TRDN: variants seen among roughly 807,000 people sequenced by gnomAD.
The protein encoded by TRDN is triadin in skeletal muscle.
In TRDN, 161 loss-of-function variants were observed where a neutral mutation model predicts 149.7. The ratio of observed to expected loss-of-function variants is 1.08; its 90% confidence interval spans 0.95 to 1.23. The LOEUF (loss-of-function observed/expected upper bound fraction) is 1.23. TRDN is among the 50% of genes most tolerant of loss of function. The pLI is 0.00. For synonymous variants in TRDN, 294 were observed against 250.5 expected, an observed-to-expected ratio of 1.17 and a Z score of -1.64; for missense variants, 896 against 823.5, an observed-to-expected ratio of 1.09 and a Z score of -1.08.
intron 5 of TRDN, among the ~76,000 whole-genome samples, chr6:123,529,710 A>G (rs1388379734): frequency 6.6e-6 from 1 of 152,066 alleles, no homozygotes; most frequent in Non-Finnish European, 1.5e-5. Flanking sequence ...GAAATAAATT[A>G]TCTCATTTTC....
chr6:123,510,650 T>G (rs961898585), intron 7 of TRDN, among the ~76,000 whole-genome samples: 1 of 151,816 alleles, frequency 6.6e-6, no homozygotes, highest in Admixed American at 6.6e-5. Flanking sequence ...CACTTTTTTT[T>G]TTTTTTTTTT....
intron 1 of TRDN, among the ~76,000 whole-genome samples, chr6:123,572,967 C>T (rs1488278496): frequency 3.9e-5 from 6 of 151,958 alleles, no homozygotes; most frequent in Non-Finnish European, 8.8e-5. Flanking sequence ...AGAATGTGTC[C>T]AATAATAATT....
intron 7 of TRDN, among the ~76,000 whole-genome samples, chr6:123,507,984 C>T (rs1211773656): frequency 1.4e-5 from 1 of 70,650 alleles, no homozygotes; most frequent in African/African-American, 4.5e-5. Flanking sequence ...GCTTCAGTTT[C>T]TTTGCGTTAA....
At chr6:123,316,422 T>C (rs370132069) in intron 24 of TRDN, 35 bp downstream of exon 24, 3 of 1,591,820 alleles carry the variant, frequency 1.9e-6, no homozygotes, top group Admixed American at 1.7e-5. Flanking sequence ...AAACAGAACA[T>C]CTCCTTGTAT....
intron 38 of TRDN, among the ~76,000 whole-genome samples, chr6:123,231,802 C>T (rs1414443880): frequency 1.3e-5 from 2 of 151,832 alleles, no homozygotes; most frequent in African/African-American, 2.4e-5. Context: ...TGACTTAAAA[C>T]AAAATTAGGG....
intron 12 of TRDN, among the ~76,000 whole-genome samples, chr6:123,411,436 G>A (rs1410596268): frequency 6.6e-6 from 1 of 152,122 alleles, no homozygotes; most frequent in African/African-American, 2.4e-5. Flanking sequence ...GAGAGTTTGC[G>A]AATAGAGGCT....
At chr6:123,338,501 G>T (rs984177904) in intron 21 of TRDN, among the ~76,000 whole-genome samples, 2 of 152,110 alleles carry the variant, frequency 1.3e-5, no homozygotes, top group African/African-American at 4.8e-5. Flanking sequence ...TGCTGGAGAG[G>T]CTACATCTAG....
intron 12 of TRDN, among the ~76,000 whole-genome samples, chr6:123,429,455 C>T (rs367919472): frequency 4.3e-4 from 65 of 152,226 alleles, no homozygotes; most frequent in African/African-American, 1.5e-3. Context: ...GGAGATATCA[C>T]TTTGATGTTT....
In TRDN at chr6:123,551,203, G is replaced by GATATATATATATATATATAT. The variant is rs10547981; in HGVS notation, c.233-2611_233-2592dup. On this transcript the variant is annotated intron_variant, in intron 2 of 40. Transcript: ENST00000334268. The stretch of plus-strand genomic sequence containing the variant: ...TTAAATGCACTGTATGTATTTTGCA[G>GATATATATATATATATATAT]ATATATATATATATATATATTGCCT... Among the ~76,000 whole-genome samples, 161 of 118,072 alleles carry GATATATATATATATATATAT rather than the reference G, an allele frequency of 1.4e-3. 8 individuals carry two copies. The highest frequency in any genetic ancestry group is 4.4e-3 in the Middle Eastern group (1 of 228). 77.5% of individuals were successfully genotyped at this position (118,072 alleles called of 152,430 possible).
intron 20 of TRDN, among the ~76,000 whole-genome samples, chr6:123,354,363 C>T (rs1188035691): frequency 6.6e-6 from 1 of 151,714 alleles, no homozygotes; most frequent in African/African-American, 2.4e-5. Flanking sequence ...GGAAATCAGC[C>T]CAGTGGCAGC....
intron 1 of TRDN, among the ~76,000 whole-genome samples, chr6:123,619,811 G>C (rs923494308): frequency 6.6e-6 from 1 of 151,812 alleles, no homozygotes; most frequent in Non-Finnish European, 1.5e-5. Context: ...AAAAGGAAAA[G>C]GTGAATACAA....
At chr6:123,297,430 T>C (rs1312190397) in intron 24 of TRDN, among the ~76,000 whole-genome samples, 1 of 152,024 alleles carries the variant, frequency 6.6e-6, no homozygotes. Context: ...AGAGAACCAA[T>C]AGAGAAGTAG....
chr6:123,299,229 A>T (rs1778315501), intron 24 of TRDN, among the ~76,000 whole-genome samples: 1 of 152,060 alleles, frequency 6.6e-6, no homozygotes, highest in Non-Finnish European at 1.5e-5. Context: ...GAATGTCAGG[A>T]TATTGGTTAG....
At position 123,600,537 on chromosome 6, in the gene TRDN, G is replaced by A. The variant is rs542063179; in HGVS notation, c.23-29405C>T. ...TCCTGGCAGTGGGGGCCTGAAAAAA[G>A]GGCAGGAAGCTTTATTATGGGAAAG... On this transcript the variant is annotated intron_variant, in intron 1 of 40. Transcript: ENST00000334268. Among the ~76,000 whole-genome samples the A allele has an allele frequency of 6.6e-5, 10 of 152,118 alleles. No individual in the cohort carries two copies. The East Asian group carries it at 1.7e-3, about 27-fold the overall frequency.
At chr6:123,500,817 A>G (rs1778666290) in intron 8 of TRDN, among the ~76,000 whole-genome samples, 1 of 152,204 alleles carries the variant, frequency 6.6e-6, no homozygotes, top group South Asian at 2.1e-4. Flanking sequence ...CATGTGGTCC[A>G]GTACTCTATA....
At chr6:123,498,054 T>C (rs1778525557) in intron 8 of TRDN, 1 of 154,812 alleles carries the variant, frequency 6.5e-6, no homozygotes, top group Admixed American at 6.4e-5. Flanking sequence ...TAGATTCTCC[T>C]GAGGTCAATC....
At chr6:123,414,760 C>T (rs1255747937) in intron 12 of TRDN, among the ~76,000 whole-genome samples, 2 of 152,026 alleles carry the variant, frequency 1.3e-5, no homozygotes, top group Admixed American at 6.6e-5. Flanking sequence ...GTATTCTGCT[C>T]ACAATTAGTA....
At chr6:123,487,756 G>A (rs1192383655) in intron 9 of TRDN, among the ~76,000 whole-genome samples, 1 of 151,956 alleles carries the variant, frequency 6.6e-6, no homozygotes, top group Non-Finnish European at 1.5e-5. Flanking sequence ...AATTTCACAT[G>A]CACTATAATG....
chr6:123,586,507 G>C (rs778549040), intron 1 of TRDN, among the ~76,000 whole-genome samples: 3 of 152,110 alleles, frequency 2.0e-5, no homozygotes, highest in Non-Finnish European at 4.4e-5. Flanking sequence ...AAGAATGCCT[G>C]GATGTCAGGC....
Sources: gnomAD v4.1 joint callset for allele counts (sites outside exome capture counted in the v4.1 genomes callset) on GRCh38, gnomAD v4.1.1 for gene constraint, MANE v1.5 for transcripts, NCBI Gene and HGNC (gene_info 2026-07-23, HGNC 2026-07-21) for gene names.